The following RASGRF2 variants were observed in gnomAD, a reference collection of about 807,000 sequenced individuals.
RASGRF2 encodes Ras protein specific guanine nucleotide releasing factor 2, also known as ras-specific guanine nucleotide-releasing factor 2.
Under a neutral mutation model 151.0 loss-of-function variants are expected in RASGRF2, and 76 were observed. The ratio of observed to expected loss-of-function variants is 0.50; its 90% confidence interval spans 0.42 to 0.61. The LOEUF is 0.61. RASGRF2 is among the 20% of genes least tolerant of loss of function. The pLI is 0.00. For synonymous variants in RASGRF2, 504 were observed against 566.5 expected (o/e 0.89, Z 1.57); for missense variants, 1,148 against 1,564.6 (o/e 0.73, Z 4.49).
intron 2 of RASGRF2, among the ~76,000 whole-genome samples, chr5:81,055,815 A>G (rs1751186525): frequency 6.6e-6 from 1 of 151,978 alleles, no homozygotes; most frequent in Non-Finnish European, 1.5e-5. Context: ...AGAGCCTGTT[A>G]TTGGTCTATT....
chr5:81,021,069 T>C (rs1221035158), intron 1 of RASGRF2, among the ~76,000 whole-genome samples: 2 of 152,142 alleles, frequency 1.3e-5, no homozygotes, highest in Non-Finnish European at 2.9e-5. Context: ...GGGAGTGATA[T>C]GTTGCTGGGG....
chr5:81,181,983 A>T (rs997149542), intron 18 of RASGRF2, among the ~76,000 whole-genome samples: 6 of 152,316 alleles, frequency 3.9e-5, no homozygotes, highest in Non-Finnish European at 8.8e-5. Context: ...AAATTCATAG[A>T]TGGGGAGAGA....
At chr5:81,089,342 G>A (rs1183439253) in intron 9 of RASGRF2, among the ~76,000 whole-genome samples, 1 of 152,128 alleles carries the variant, frequency 6.6e-6, no homozygotes, top group Non-Finnish European at 1.5e-5. Context: ...ATGTGCGTGT[G>A]TGTGTGTGTG....
intron 13 of RASGRF2, among the ~76,000 whole-genome samples, chr5:81,110,950 C>G (rs1045789777): frequency 6.6e-6 from 1 of 152,186 alleles, no homozygotes; most frequent in Non-Finnish European, 1.5e-5. Context: ...AGCTCCTTGG[C>G]AGGGTGAAGC....
chr5:81,099,900 CT>C (rs1009618364), intron 12 of RASGRF2, among the ~76,000 whole-genome samples: 4 of 127,642 alleles, frequency 3.1e-5, no homozygotes, highest in Non-Finnish European at 6.6e-5. Context: ...CACTATTTTT[CT>C]TTTTTCTTTT....
At chr5:81,201,228 C>T (rs1343077443) in intron 18 of RASGRF2, 102 bp from the exon 19 acceptor site, 14 of 1,470,148 alleles carry the variant, frequency 9.5e-6, no homozygotes, top group Non-Finnish European at 1.1e-5. Context: ...TTTTAATTTC[C>T]ATACCTAGCT....
chr5:81,099,678 C>G (rs1394432799), intron 12 of RASGRF2, among the ~76,000 whole-genome samples: 1 of 152,102 alleles, frequency 6.6e-6, no homozygotes, highest in Non-Finnish European at 1.5e-5. Context: ...TCACATTTTT[C>G]TATTTCATGG....
intron 2 of RASGRF2, among the ~76,000 whole-genome samples, chr5:81,049,526 A>G (rs905757769): frequency 3.2e-4 from 48 of 151,912 alleles, no homozygotes; most frequent in Non-Finnish European, 8.8e-5. Context: ...TTCTTGTCCT[A>G]TTTCACTACT....
chr5:81,160,465 A>C (rs923898026), intron 17 of RASGRF2, among the ~76,000 whole-genome samples: 2 of 151,242 alleles, frequency 1.3e-5, no homozygotes, highest in African/African-American at 4.9e-5. Context: ...AGGTCAGGAG[A>C]TCAAGACCAT....
intron 2 of RASGRF2, among the ~76,000 whole-genome samples, chr5:81,058,747 GC>G (rs1751312293): frequency 1.7e-5 from 2 of 120,834 alleles, no homozygotes; most frequent in Non-Finnish European, 3.2e-5. Context: ...CTGTACTCCA[GC>G]CTGGGCAACA....
At chr5:81,151,230 G>A (rs1219615832) in intron 17 of RASGRF2, among the ~76,000 whole-genome samples, 2 of 152,154 alleles carry the variant, frequency 1.3e-5, no homozygotes, top group African/African-American at 4.8e-5. Context: ...CCTCTGGAGA[G>A]GCATCCCCTG....
At chr5:81,085,687 C>A in intron 7 of RASGRF2, 115 bp from the exon 8 acceptor site, 2 of 1,466,682 alleles carry the variant, frequency 1.4e-6, no homozygotes, top group Non-Finnish European at 9.1e-7. Context: ...ATGTGTAAAA[C>A]AGTAAAAAGT....
intron 15 of RASGRF2, among the ~76,000 whole-genome samples, chr5:81,117,899 C>T (rs1464992151): frequency 6.6e-6 from 1 of 152,164 alleles, no homozygotes; most frequent in African/African-American, 2.4e-5. Context: ...AGTCTGAAAC[C>T]CAACGGGGCA....
At chr5:81,107,653 C>T (rs1259047437) in intron 12 of RASGRF2, among the ~76,000 whole-genome samples, 1 of 152,186 alleles carries the variant, frequency 6.6e-6, no homozygotes, top group Non-Finnish European at 1.5e-5. Flanking sequence ...TTATCTAAAT[C>T]ATCTCTGATT....
At chr5:81,053,016 TA>T (rs1340644261) in intron 2 of RASGRF2, among the ~76,000 whole-genome samples, 1 of 152,222 alleles carries the variant, frequency 6.6e-6, no homozygotes, top group East Asian at 1.9e-4. Flanking sequence ...ATTAGATTCT[TA>T]AGTGACTTTT....
chr5:81,113,908 A>G lies in RASGRF2; in HGVS notation c.2458A>G (p.Ser820Gly), dbSNP rs1753077261. ...RVDLCNKLKRSIQKAVLESAP... is the reference protein window; with the variant it reads ...RVDLCNKLKRGIQKAVLESAP... ...GGATCTGTGTAACAAGCTAAAACGA[A>G]GTATTCAAAAAGGTATTATCTAGCA... Residue 820 changes from serine (S) to glycine (G), a missense_variant, in exon 15 of 27, where the codon AGT becomes GGT. By Grantham distance (56) the Ser-to-Gly change is moderately conservative. Around this residue, in one of 5 missense-constraint regions of RASGRF2, gnomAD observed 646 missense variants for 807.4 expected, o/e 0.80. Coordinates refer to ENST00000265080, the MANE Select transcript of RASGRF2 (RefSeq NM_006909.3). 3 of 1,613,194 alleles carry G rather than the reference A, an allele frequency of 1.9e-6. No homozygotes were observed. The highest frequency in any genetic ancestry group is 2.5e-6 in the Non-Finnish European group (3 of 1,179,458).
Position 81,161,663 on chromosome 5 carries a change from G to GTCTAGTAATT in RASGRF2, c.2687-18512_2687-18511insTCTAGTAATT, listed in dbSNP as rs1465196535. On this transcript the variant is annotated intron_variant, in intron 17 of 26. Transcript: ENST00000265080. ...TGCTAATATTACTAGACATTCTACA[G>GTCTAGTAATT]CTGCAGAGGATCTCTTAGACAATAT... Among the ~76,000 whole-genome samples the GTCTAGTAATT allele has an allele frequency of 2.6e-5, 4 of 152,298 alleles. No individual in the cohort carries two copies. The East Asian group carries it at 5.8e-4, about 22-fold the overall frequency.
chr5:81,006,810 T>C (rs1043308150), intron 1 of RASGRF2, among the ~76,000 whole-genome samples: 1 of 152,174 alleles, frequency 6.6e-6, no homozygotes, highest in Admixed American at 6.5e-5. Context: ...CTGGTCACTT[T>C]CCTGAGTTTT....
Position 81,109,030 on chromosome 5 carries a change from C to T in RASGRF2, c.1790C>T (p.Thr597Ile). 1 of 1,611,364 alleles carries T rather than the reference C, an allele frequency of 6.2e-7. No homozygotes were observed. Among genetic ancestry groups the T allele is most frequent in the Non-Finnish European group, 8.5e-7 (1 of 1,177,842 alleles). ...VDNIRCNGLMTIVFEENSKVT... is the reference protein window; with the variant it reads ...VDNIRCNGLMIIVFEENSKVT... ...AATATACGATGTAATGGTTTAATGA[C>T]TATAGTGTTTGAAGAGAATTCCAAA... The change falls in exon 13 of 27, where the codon ACT (threonine) becomes ATT (isoleucine). Residue 597 changes from threonine (T) to isoleucine (I), a missense_variant. Thr to Ile is a moderately conservative substitution (Grantham distance 89, BLOSUM62 -1). This residue lies in a region of RASGRF2 where 646 missense variants were observed against 807.4 expected (regional missense o/e 0.80). Coordinates refer to ENST00000265080, the MANE Select transcript of RASGRF2 (RefSeq NM_006909.3).
Sources: allele counts gnomAD v4.1 joint callset (sites outside exome capture counted in the v4.1 genomes callset), GRCh38; gene constraint gnomAD v4.1.1; regional missense constraint gnomAD v4.1.1; transcripts MANE v1.5; gene names NCBI Gene and HGNC (gene_info 2026-07-23, HGNC 2026-07-21).